KCNN2: variants seen among roughly 807,000 people sequenced by gnomAD.
KCNN2 encodes small conductance calcium-activated potassium channel protein 2.
Under a neutral mutation model 55.5 loss-of-function variants are expected in KCNN2, and 24 were observed. That is an observed-to-expected ratio of 0.43 (90% confidence interval 0.31 to 0.61). The LOEUF is 0.61. Among genes scored for constraint, KCNN2 ranks in the 20% least tolerant of loss-of-function variants. KCNN2 has a pLI of 0.08. For synonymous variants in KCNN2, 431 were observed against 336.1 expected (o/e 1.28, Z -3.09); for missense variants, 754 against 853.6 (o/e 0.88, Z 1.45).
At chr5:114,321,493 G>A (rs1203192193) in intron 2 of KCNN2, among the ~76,000 whole-genome samples, 1 of 152,134 alleles carries the variant, frequency 6.6e-6, no homozygotes, top group Admixed American at 6.5e-5. Context: ...CTCTCTTGGA[G>A]CCCCCTCACT....
chr5:114,335,361 C>G (rs188665654), intron 2 of KCNN2, among the ~76,000 whole-genome samples: 1 of 152,256 alleles, frequency 6.6e-6, no homozygotes, highest in East Asian at 1.9e-4. Context: ...GATTCTGCCT[C>G]TCTTTAGCTT....
intron 2 of KCNN2, among the ~76,000 whole-genome samples, chr5:114,301,656 C>T (rs1756163854): frequency 6.6e-6 from 1 of 152,148 alleles, no homozygotes; most frequent in African/African-American, 2.4e-5. Context: ...TAACTTGCCC[C>T]ATTGGCTCCA....
chr5:114,385,232 C>T (rs545748775), intron 2 of KCNN2, among the ~76,000 whole-genome samples: 1 of 152,036 alleles, frequency 6.6e-6, no homozygotes, highest in Non-Finnish European at 1.5e-5. Context: ...TTTCTTCCTT[C>T]CCTCCCTTTT....
At chr5:114,394,378 A>G (rs1413639687) in intron 2 of KCNN2, among the ~76,000 whole-genome samples, 1 of 151,900 alleles carries the variant, frequency 6.6e-6, no homozygotes, top group Non-Finnish European at 1.5e-5. Context: ...TGTATTAGGG[A>G]GGTTAGTCCT....
intron 2 of KCNN2, among the ~76,000 whole-genome samples, chr5:114,313,853 A>C (rs1283133080): frequency 3.3e-5 from 5 of 152,150 alleles, no homozygotes; most frequent in Non-Finnish European, 5.9e-5. Flanking sequence ...AATTCATAAG[A>C]ATCAGTCTCA....
chr5:114,299,726 A>G (rs1756112874), intron 2 of KCNN2, among the ~76,000 whole-genome samples: 1 of 152,056 alleles, frequency 6.6e-6, no homozygotes, highest in Admixed American at 6.6e-5. Flanking sequence ...TGGTCCTTGT[A>G]ATCTGTTGCA....
intron 1 of KCNN2, among the ~76,000 whole-genome samples, chr5:114,144,487 T>C (rs1480977633): frequency 6.6e-6 from 1 of 152,056 alleles, no homozygotes; most frequent in Non-Finnish European, 1.5e-5. Flanking sequence ...AAATAAATAG[T>C]TTACTCCTTT....
chr5:114,154,348 C>T (rs1752586533), intron 1 of KCNN2, among the ~76,000 whole-genome samples: 2 of 152,040 alleles, frequency 1.3e-5, no homozygotes, highest in Admixed American at 6.6e-5. Context: ...GTAGTATAGC[C>T]TCTCTTTTGA....
chr5:114,438,705 C>G (rs2150092656), intron 3 of KCNN2, among the ~76,000 whole-genome samples: 1 of 152,304 alleles, frequency 6.6e-6, no homozygotes, highest in Admixed American at 6.5e-5. Flanking sequence ...CATGTTGTCA[C>G]TATGCCTACC....
At chr5:114,285,109 C>T (rs1185853942) in intron 2 of KCNN2, among the ~76,000 whole-genome samples, 12 of 150,742 alleles carry the variant, frequency 8.0e-5, no homozygotes, top group Admixed American at 1.3e-4. Context: ...AGTGAAACCC[C>T]GTCTCTACTA....
intron 1 of KCNN2, among the ~76,000 whole-genome samples, chr5:114,139,093 G>A (rs991988347): frequency 4.6e-5 from 7 of 152,166 alleles, no homozygotes; most frequent in Non-Finnish European, 1.0e-4. Context: ...AATATACAAT[G>A]TCTCATAATG....
chr5:114,443,932 G>A (rs1289437892), intron 3 of KCNN2, among the ~76,000 whole-genome samples: 1 of 152,216 alleles, frequency 6.6e-6, no homozygotes. Flanking sequence ...ATGGCTTGGG[G>A]TATATGCTAA....
At chr5:114,287,371 G>A (rs1165796880) in intron 2 of KCNN2, among the ~76,000 whole-genome samples, 1 of 152,154 alleles carries the variant, frequency 6.6e-6, no homozygotes, top group African/African-American at 2.4e-5. Context: ...ATGATAGACT[G>A]GGTAAAGAAA....
At chr5:114,457,941 A>C (rs936906389) in intron 3 of KCNN2, among the ~76,000 whole-genome samples, 11 of 152,200 alleles carry the variant, frequency 7.2e-5, no homozygotes, top group Admixed American at 2.0e-4. Context: ...CTGCTTTTTT[A>C]GTTGTTTCAG....
intron 3 of KCNN2, among the ~76,000 whole-genome samples, chr5:114,446,396 C>T (rs1037136403): frequency 6.6e-6 from 1 of 152,184 alleles, no homozygotes; most frequent in African/African-American, 2.4e-5. Flanking sequence ...GTGGATCTCA[C>T]AACTTGGCTC....
intron 2 of KCNN2, among the ~76,000 whole-genome samples, chr5:114,387,403 A>G (rs1758319304): frequency 6.6e-6 from 1 of 152,242 alleles, no homozygotes. Context: ...TTTTGGAATT[A>G]AACACTGAGC....
intron 2 of KCNN2, among the ~76,000 whole-genome samples, chr5:114,365,524 A>G (rs547372810): frequency 6.6e-6 from 1 of 152,350 alleles, no homozygotes; most frequent in South Asian, 2.1e-4. Context: ...GACTCAGTTT[A>G]CAGATAAGGA....
chr5:114,267,323 G>C (rs1041527714), intron 2 of KCNN2, among the ~76,000 whole-genome samples: 4 of 152,074 alleles, frequency 2.6e-5, no homozygotes, highest in Non-Finnish European at 4.4e-5. Context: ...AGCTTTCCTA[G>C]GCAGGCTTTT....
At chr5:114,393,936 T>G (rs1464082649) in intron 2 of KCNN2, among the ~76,000 whole-genome samples, 1 of 151,594 alleles carries the variant, frequency 6.6e-6, no homozygotes, top group Non-Finnish European at 1.5e-5. Flanking sequence ...TATTTCCAGT[T>G]TTTTGCTAAT....
Sources: gnomAD v4.1 joint callset for allele counts (sites outside exome capture counted in the v4.1 genomes callset) on GRCh38, gnomAD v4.1.1 for gene constraint, MANE v1.5 for transcripts, NCBI Gene and HGNC (gene_info 2026-07-23, HGNC 2026-07-21) for gene names.